Variants in CLASP1 observed in about 807,000 individuals in gnomAD.
CLASP1 encodes the protein CLIP-associating protein 1.
Under a neutral mutation model 192.3 loss-of-function variants are expected in CLASP1, and 38 were observed. That is an observed-to-expected ratio of 0.20 (90% CI 0.15 to 0.26). The LOEUF (loss-of-function observed/expected upper bound fraction) is 0.26. Among genes scored for constraint, CLASP1 ranks in the 10% least tolerant of loss-of-function variants. The pLI, the probability that CLASP1 is intolerant of heterozygous loss-of-function variation, is 1.00. For synonymous variants in CLASP1, 691 were observed against 712.8 expected (o/e 0.97, Z 0.49); for missense variants, 1,433 against 1,932.5 (o/e 0.74, Z 4.85).
At chr2:121,537,442 T>G (rs1037342858) in intron 2 of CLASP1, among the ~76,000 whole-genome samples, 1 of 149,100 alleles carries the variant, frequency 6.7e-6, no homozygotes, top group Non-Finnish European at 1.5e-5. Context: ...CCTGAAGAGA[T>G]AATGGCTGAA....
chr2:121,485,621 T>C (rs2092918995), intron 8 of CLASP1, among the ~76,000 whole-genome samples: 2 of 152,076 alleles, frequency 1.3e-5, no homozygotes. Context: ...CTCAGCACTT[T>C]GGGAGGTCAA....
intron 2 of CLASP1, among the ~76,000 whole-genome samples, chr2:121,579,020 G>T (rs1164477642): frequency 6.6e-6 from 1 of 152,166 alleles, no homozygotes; most frequent in Non-Finnish European, 1.5e-5. Context: ...ACAGAATTCA[G>T]TCTTCCTTAA....
rs1289322401 is a variant in CLASP1, at chr2:121,404,366, C to A, written c.2733+5G>T. ...AAGACAGGGCAGGCATGACTTCAGACTTACCTTGCTATGAGGGTCAGCAAA... is the reference window on the plus strand; with the variant it reads ...AAGACAGGGCAGGCATGACTTCAGAATTACCTTGCTATGAGGGTCAGCAAA... On this transcript the variant is annotated splice_donor_5th_base_variant and intron_variant, in intron 26 of 39. Coordinates refer to ENST00000263710, the Ensembl canonical transcript of CLASP1. The A allele has an allele frequency of 6.2e-7, 1 of 1,611,542 alleles. No homozygotes were observed. Among genetic ancestry groups the A allele is most frequent in the Non-Finnish European group, 8.5e-7 (1 of 1,179,004 alleles).
chr2:121,474,503 G>A (rs554299064), intron 8 of CLASP1, among the ~76,000 whole-genome samples: 33 of 152,272 alleles, frequency 2.2e-4, no homozygotes, highest in African/African-American at 6.7e-4. Flanking sequence ...TTGGGCGGCC[G>A]AGGCAGGCAG....
intron 7 of CLASP1, among the ~76,000 whole-genome samples, chr2:121,506,349 T>A (rs2093950009): frequency 6.6e-6 from 1 of 152,126 alleles, no homozygotes. Flanking sequence ...CTTGTCTTTA[T>A]CTGACCTGAC....
chr2:121,524,929 G>GA (rs1306022357), intron 6 of CLASP1, among the ~76,000 whole-genome samples: 2 of 152,120 alleles, frequency 1.3e-5, no homozygotes, highest in Non-Finnish European at 2.9e-5. Context: ...GCACGATAAG[G>GA]AAAGGGCCTG....
rs1234738939 is a variant in CLASP1 at position 121,518,429 on chromosome 2, C to A, written c.547-2667G>T. 2.0e-5 allele frequency among the ~76,000 whole-genome samples: 3 copies of A among 151,910 alleles called. No individual in the cohort carries two copies. The East Asian group carries it at 5.8e-4, about 29-fold the overall frequency. On this transcript the variant is annotated intron_variant, in intron 6 of 39. Transcript: ENST00000263710. ...GAAGAGAGCCCCAACCAGAACCCGG[C>A]CTCTAAAACTGTGAAAAAATTAATT...
intron 30 of CLASP1, among the ~76,000 whole-genome samples, chr2:121,395,961 C>T (rs1028826378): frequency 2.0e-5 from 3 of 152,172 alleles, no homozygotes; most frequent in Non-Finnish European, 4.4e-5. Flanking sequence ...AGATTCATTC[C>T]AAGGCCATGG....
chr2:121,480,673 G>T (rs892084216), intron 8 of CLASP1, among the ~76,000 whole-genome samples: 27 of 152,292 alleles, frequency 1.8e-4, no homozygotes, highest in Admixed American at 8.5e-4. Flanking sequence ...TATGAAATGT[G>T]CTGCCCACCC....
At chr2:121,626,779 A>C (rs898129058) in intron 1 of CLASP1, among the ~76,000 whole-genome samples, 1 of 152,194 alleles carries the variant, frequency 6.6e-6, no homozygotes, top group Non-Finnish European at 1.5e-5. Context: ...TATTTTCACC[A>C]AAATGCAGCT....
intron 2 of CLASP1, among the ~76,000 whole-genome samples, chr2:121,580,400 C>G (rs1469598323): frequency 6.6e-6 from 1 of 152,004 alleles, no homozygotes; most frequent in African/African-American, 2.4e-5. Flanking sequence ...ATGCCTATTG[C>G]GAGGTATTTT....
intron 8 of CLASP1, among the ~76,000 whole-genome samples, chr2:121,479,015 AC>A (rs1559370604): frequency 1.6e-3 from 73 of 45,048 alleles, no homozygotes; most frequent in African/African-American, 9.7e-3. Context: ...ACACACACAC[AC>A]CACACACACA....
exon 23 of CLASP1, chr2:121,418,723 C>T (rs757460054): frequency 6.2e-7 from 1 of 1,612,108 alleles, no homozygotes; most frequent in Non-Finnish European, 8.5e-7. Context: ...GATACGGCTG[C>T]TCCGTGCTAG....
chr2:121,589,630 CA>C (rs1280970890), intron 2 of CLASP1, among the ~76,000 whole-genome samples: 1,416 of 64,292 alleles, frequency 0.022, 16 homozygotes, highest in African/African-American at 0.057. Context: ...AACTCTGTCT[CA>C]AAAAAAAAAA....
chr2:121,472,376 C>G (rs1305079237), intron 8 of CLASP1, among the ~76,000 whole-genome samples: 2 of 152,142 alleles, frequency 1.3e-5, no homozygotes, highest in Non-Finnish European at 2.9e-5. Flanking sequence ...CGTGCAGGCA[C>G]CGGACAACGG....
chr2:121,346,791 C>T (rs1181707312), intron 39 of CLASP1, among the ~76,000 whole-genome samples: 1 of 152,230 alleles, frequency 6.6e-6, no homozygotes, highest in Non-Finnish European at 1.5e-5. Flanking sequence ...AATAAACCAG[C>T]AGCTCAAAAT....
chr2:121,350,567 TC>T, intron 37 of CLASP1, among the ~76,000 whole-genome samples: 1 of 152,304 alleles, frequency 6.6e-6, no homozygotes, highest in East Asian at 1.9e-4. Flanking sequence ...GGCTACACTG[TC>T]CCATGAACAG....
intron 15 of CLASP1, 82 bp from the exon 16 acceptor site, chr2:121,451,072 C>A: frequency 1.1e-6 from 1 of 942,720 alleles, no homozygotes; most frequent in Non-Finnish European, 1.7e-6. Context: ...AAATAACTTC[C>A]AAATGGCAAC....
At chr2:121,427,309 T>C (rs1386857812) in intron 21 of CLASP1, 95 bp downstream of exon 21, 3 of 1,412,946 alleles carry the variant, frequency 2.1e-6, no homozygotes, top group Non-Finnish European at 2.9e-6. Flanking sequence ...AAGCTTACAA[T>C]AAAGAGAGAA....
Sources: allele counts gnomAD v4.1 joint callset (sites outside exome capture counted in the v4.1 genomes callset), GRCh38; gene constraint gnomAD v4.1.1; transcripts MANE v1.5; gene names NCBI Gene and HGNC (gene_info 2026-07-23, HGNC 2026-07-21).